Variants in PEDS1 observed in about 807,000 individuals in gnomAD.
PEDS1 encodes CarF homolog.
PEDS1 carries 14 observed loss-of-function variants against 35.2 expected under a neutral mutation model. That is an observed-to-expected ratio of 0.40 (90% CI 0.26 to 0.62). The LOEUF is 0.62. Among genes scored for constraint, PEDS1 ranks in the 20% least tolerant of loss-of-function variants. The probability of loss-of-function intolerance (pLI) is 0.44; values close to 1 mark genes in which losing one functional copy is unlikely to be tolerated. For synonymous variants in PEDS1, 152 were observed against 152.0 expected (o/e 1.00, Z 0.00); for missense variants, 260 against 367.8 (o/e 0.71, Z 2.40).
chr20:50,143,511 G>C lies in PEDS1; in HGVS notation c.232C>G (p.Leu78Val). 1 of 1,607,836 alleles carries C rather than the reference G, an allele frequency of 6.2e-7. No individual in the cohort carries two copies. Among genetic ancestry groups the C allele is most frequent in the South Asian group, 1.1e-5 (1 of 89,812 alleles). ...TGCCTCGGGCACTCACCAACACCGA[G>C]TATGACGAGGGGTGTGTCCTCCCAG... ...ARWEDTPLVI[L>V]GVVAGALIAD... Residue 78 changes from leucine to valine, a missense_variant, in exon 2 of 6, where the codon CTC becomes GTC. By Grantham distance (32) the Leu-to-Val change is conservative. Coordinates refer to ENST00000371652, the MANE Select transcript of PEDS1 (RefSeq NM_199129.4).
chr20:50,151,366 G>C, intron 1 of PEDS1: 1 of 1,157,754 alleles, frequency 8.6e-7, no homozygotes, highest in South Asian at 1.3e-5. Flanking sequence ...GGTGGAGTGG[G>C]GAAACAGCAA....
intron 1 of PEDS1, among the ~76,000 whole-genome samples, chr20:50,150,763 G>T (rs117657315): frequency 7.2e-4 from 110 of 152,052 alleles, no homozygotes; most frequent in Non-Finnish European, 1.4e-3. Context: ...TGTGGTATTG[G>T]CTCACTGCAA....
intron 1 of PEDS1, among the ~76,000 whole-genome samples, chr20:50,151,721 T>C (rs539937306): frequency 6.6e-6 from 1 of 152,182 alleles, no homozygotes; most frequent in Non-Finnish European, 1.5e-5. Context: ...TAGCCGGGCA[T>C]GGTGGCGGGC....
chr20:50,127,049 A>G (rs1161813917), intron 5 of PEDS1, among the ~76,000 whole-genome samples: 3 of 152,106 alleles, frequency 2.0e-5, no homozygotes, highest in Non-Finnish European at 4.4e-5. Context: ...AAACACACCA[A>G]GCAAGCAAAG....
chr20:50,123,378 G>C lies in PEDS1; in HGVS notation c.*1680C>G, dbSNP rs530841820. The C allele has an allele frequency of 1.3e-5, 2 of 151,690 alleles. No homozygotes were observed. The highest frequency in any genetic ancestry group is 4.8e-5 in the African/African-American group (2 of 41,272). 9.4% of individuals were successfully genotyped at this position (151,690 alleles called of 1,614,324 possible). A position where few individuals can be genotyped will look rare whatever the true frequency, so the allele number is the denominator to read the frequency against. On this transcript the variant is annotated 3_prime_UTR_variant, in exon 6 of 6. Coordinates refer to ENST00000371652, the MANE Select transcript of PEDS1 (RefSeq NM_199129.4). ...CCTCCCGGGTTCAAATGATTCTCCT[G>C]CCTCTGCCTCCCAAGTAGCTGGGAT...
intron 5 of PEDS1, among the ~76,000 whole-genome samples, chr20:50,127,256 T>A (rs1453622110): frequency 6.6e-6 from 1 of 151,966 alleles, no homozygotes; most frequent in African/African-American, 2.4e-5. Flanking sequence ...TTAGCACCAT[T>A]AGCCACGCTA....
chr20:50,120,894 G>C lies in PEDS1; in HGVS notation c.*4164C>G, dbSNP rs913357994. ...TTCAGTTGGGGGCAGGCGCCCAAAG[G>C]TATGTGCCCAGGCCCCTTCTAAAGA... On this transcript the variant is annotated 3_prime_UTR_variant, in exon 6 of 6. Coordinates refer to ENST00000371652, the MANE Select transcript of PEDS1 (RefSeq NM_199129.4). 1.3e-5 allele frequency: 2 copies of C among 152,250 alleles called. No homozygotes were observed. The highest frequency in any genetic ancestry group is 2.4e-5 in the African/African-American group (1 of 41,378). 9.4% of individuals were successfully genotyped at this position (152,250 alleles called of 1,614,324 possible).
Position 50,128,051 on chromosome 20 carries a change from C to A in PEDS1, c.615G>T (p.Trp205Cys). 1 of 1,614,194 alleles carries A rather than the reference C, an allele frequency of 6.2e-7. No homozygotes were observed. Among genetic ancestry groups the A allele is most frequent in the Non-Finnish European group, 8.5e-7 (1 of 1,180,032 alleles). Residue 205 changes from tryptophan to cysteine, a missense_variant, in exon 5 of 6, where the codon TGG becomes TGT. Trp to Cys is a radical substitution (Grantham distance 215, BLOSUM62 -2). Transcript: ENST00000371652. The surrounding 1 kb of genome is among the most constrained non-coding windows in gnomAD (Gnocchi z 5.2). Reference sequence around the variant, plus strand: ...GGTGTTTACGTGGCAGGATGACATGCCAGTCCTGCAGGAGGGTGACCCAGC... The same window carrying A: ...GGTGTTTACGTGGCAGGATGACATGACAGTCCTGCAGGAGGGTGACCCAGC... ...LPRWVTLLQD[W>C]HVILPRKHHR...
At chr20:50,125,303 C>T in intron 5 of PEDS1, 124 bp from the exon 6 acceptor site, 7 of 1,306,706 alleles carry the variant, frequency 5.4e-6, no homozygotes, top group Non-Finnish European at 7.3e-6. Context: ...GGATAGGACA[C>T]AGGGACCGGC....
In PEDS1 at chr20:50,128,202, G is replaced by A. The variant is rs764958624; in HGVS notation, c.479-15C>T. The A allele has an allele frequency of 3.1e-6, 5 of 1,613,522 alleles. No individual in the cohort carries two copies. Among genetic ancestry groups the A allele is most frequent in the Non-Finnish European group, 4.2e-6 (5 of 1,179,894 alleles). On this transcript the variant is annotated splice_polypyrimidine_tract_variant and intron_variant, in intron 4 of 5. Coordinates refer to ENST00000371652, the MANE Select transcript of PEDS1 (RefSeq NM_199129.4). The surrounding 1 kb of genome is among the most constrained non-coding windows in gnomAD (Gnocchi z 5.2). ...CTCCAGGGCTTCTGCAGGTTGGGGA[G>A]AGGGGGGGCCGGCACAGCTGTCACT... is the stretch of plus-strand genomic sequence containing the variant.
intron 2 of PEDS1, among the ~76,000 whole-genome samples, chr20:50,141,718 G>A (rs149838568): frequency 1.6e-3 from 239 of 152,308 alleles, no homozygotes; most frequent in African/African-American, 5.5e-3. Flanking sequence ...AGAGGCTGGG[G>A]GTGCAGGTCT....
At chr20:50,153,142 C>T (rs1325926180) in intron 1 of PEDS1, among the ~76,000 whole-genome samples, 1 of 146,842 alleles carries the variant, frequency 6.8e-6, no homozygotes, top group Non-Finnish European at 1.5e-5. Flanking sequence ...TGAAGGGCAG[C>T]TTTGGGCTTG....
chr20:50,149,766 C>T (rs1055965303), intron 1 of PEDS1, among the ~76,000 whole-genome samples: 4 of 152,112 alleles, frequency 2.6e-5, no homozygotes, highest in Admixed American at 2.0e-4. Flanking sequence ...CCGGAATACT[C>T]GCCCCCACCT....
chr20:50,125,746 C>T (rs560968137), intron 5 of PEDS1, among the ~76,000 whole-genome samples: 2 of 152,250 alleles, frequency 1.3e-5, no homozygotes, highest in South Asian at 2.1e-4. Context: ...GTGCACACCA[C>T]CATGCCCAGC....
chr20:50,130,636 C>T (rs1025316133), intron 3 of PEDS1, among the ~76,000 whole-genome samples: 1 of 152,200 alleles, frequency 6.6e-6, no homozygotes, highest in Non-Finnish European at 1.5e-5. Context: ...ATGAGGCAGG[C>T]ACATATCTAA....
intron 2 of PEDS1, among the ~76,000 whole-genome samples, chr20:50,134,619 TA>T (rs1481807024): frequency 6.6e-6 from 1 of 152,232 alleles, no homozygotes; most frequent in African/African-American, 2.4e-5. Context: ...CTGGATGTCA[TA>T]AGGGTGGGGC....
chr20:50,129,212 A>G lies in PEDS1; in HGVS notation c.478+334T>C, dbSNP rs1424573405. On this transcript the variant is annotated intron_variant, in intron 4 of 5. Coordinates refer to ENST00000371652, the MANE Select transcript of PEDS1 (RefSeq NM_199129.4). The surrounding 1 kb of genome is among the most constrained non-coding windows in gnomAD (Gnocchi z 4.2). ...AAGCCCTGCCAGGCAGGTAACACAA[A>G]TGAACAAGGTGGGTTGGGTGCAGGG... 6.6e-6 allele frequency among the ~76,000 whole-genome samples: 1 copy of G among 152,156 alleles called. No individual in the cohort carries two copies. The highest frequency in any genetic ancestry group is 2.4e-5 in the African/African-American group (1 of 41,440).
In PEDS1 at chr20:50,153,694, C is replaced by T; in HGVS notation, c.-57G>A. 3 of 1,185,202 alleles carry T rather than the reference C, an allele frequency of 2.5e-6. No individual in the cohort carries two copies. The highest frequency in any genetic ancestry group is 3.1e-6 in the Non-Finnish European group (3 of 958,486). 73.4% of individuals were successfully genotyped at this position (1,185,202 alleles called of 1,614,324 possible). The stretch of plus-strand genomic sequence containing the variant: ...GCTGGCGGCGGCGGCGGCAGGGCCG[C>T]GGAACCGCGGCGAGATCACGCCGCC... On this transcript the variant is annotated 5_prime_UTR_variant, in exon 1 of 6. Coordinates refer to ENST00000371652, the MANE Select transcript of PEDS1 (RefSeq NM_199129.4).
chr20:50,132,915 C>T (rs952043562), intron 2 of PEDS1, among the ~76,000 whole-genome samples: 4 of 152,176 alleles, frequency 2.6e-5, no homozygotes, highest in African/African-American at 7.2e-5. Flanking sequence ...TATGGGGAAA[C>T]GCTGTAAAGT....
Sources: allele counts gnomAD v4.1 joint callset (sites outside exome capture counted in the v4.1 genomes callset), GRCh38; gene constraint gnomAD v4.1.1; non-coding constraint Gnocchi (gnomAD v3.1); transcripts MANE v1.5; gene names NCBI Gene and HGNC (gene_info 2026-07-23, HGNC 2026-07-21).